TMC1: variants seen among roughly 807,000 people sequenced by gnomAD.
TMC1 encodes transmembrane channel like 1.
In TMC1, 84 loss-of-function variants were observed where a neutral mutation model predicts 105.8. The observed-to-expected ratio is 0.79, with a 90% CI of 0.67 to 0.95. The LOEUF is 0.95. TMC1 is among the 40% of genes least tolerant of loss of function. The probability of loss-of-function intolerance (pLI) is 0.00; values close to 1 mark genes in which losing one functional copy is unlikely to be tolerated. For missense variants in TMC1, 817 were observed against 914.1 expected (o/e 0.89, Z 1.37); for synonymous variants, 315 against 311.5 (o/e 1.01, Z -0.12).
intron 8 of TMC1, among the ~76,000 whole-genome samples, chr9:72,719,652 G>C (rs1826984847): frequency 6.6e-6 from 1 of 152,202 alleles, no homozygotes; most frequent in Admixed American, 6.5e-5. Context: ...AGTTCACAAT[G>C]CAAGTCTCCA....
intron 12 of TMC1, among the ~76,000 whole-genome samples, chr9:72,766,381 C>A (rs951116252): frequency 5.4e-5 from 8 of 149,262 alleles, no homozygotes; most frequent in Non-Finnish European, 1.0e-4. Context: ...TGCGCCACTG[C>A]ACTCCAGCCT....
At chr9:72,655,806 GTAAT>G (rs1825875302) in intron 5 of TMC1, 2 of 621,432 alleles carry the variant, frequency 3.2e-6, no homozygotes, top group Non-Finnish European at 2.9e-6. Context: ...TTTTCAACTG[GTAAT>G]TAATTTATTA....
At chr9:72,717,374 A>C (rs1253902519) in intron 8 of TMC1, among the ~76,000 whole-genome samples, 1 of 151,878 alleles carries the variant, frequency 6.6e-6, no homozygotes, top group South Asian at 2.1e-4. Flanking sequence ...TTATTTACTT[A>C]TTTATTGTAT....
intron 2 of TMC1, among the ~76,000 whole-genome samples, chr9:72,607,279 T>G (rs776984268): frequency 6.6e-6 from 1 of 152,168 alleles, no homozygotes; most frequent in Non-Finnish European, 1.5e-5. Flanking sequence ...CACAGATTGA[T>G]TTCTTCGTCA....
chr9:72,740,983 C>T lies in TMC1; in HGVS notation c.453+774C>T, dbSNP rs144026055. Among the ~76,000 whole-genome samples the T allele has an allele frequency of 9.5e-4, 144 of 152,176 alleles. 3 individuals carry two copies. The East Asian group carries it at 0.023, about 25-fold the overall frequency. ...ATGTTATGTTCACAAGATATATCCA[C>T]GTTGTTGTGGGAGTTATACTTCATT... On this transcript the variant is annotated intron_variant, in intron 9 of 23. Coordinates refer to ENST00000297784, the MANE Select transcript of TMC1 (RefSeq NM_138691.3).
rs537084123 is a variant in TMC1 at position 72,719,724 on chromosome 9, T to G, written c.362+19081T>G. On this transcript the variant is annotated intron_variant, in intron 8 of 23. Transcript: ENST00000297784. ...TAGTCCTGACTCCTATCTGCCATTT[T>G]TTCCTAGCAGTTCATTCTGGATTAT... Among the ~76,000 whole-genome samples the G allele has an allele frequency of 1.2e-4, 18 of 152,350 alleles. No homozygotes were observed. The Middle Eastern group carries it at 0.01, about 86-fold the overall frequency.
chr9:72,590,073 A>G (rs1824612364), intron 2 of TMC1, among the ~76,000 whole-genome samples: 2 of 152,182 alleles, frequency 1.3e-5, no homozygotes, highest in African/African-American at 4.8e-5. Flanking sequence ...GGCCTGCACC[A>G]TTCCATCTGC....
At position 72,700,759 on chromosome 9, in the gene TMC1, CAT is replaced by C. The variant is rs1554721639; in HGVS notation, c.362+118_362+119del. 454 of 161,138 alleles carry C rather than the reference CAT, an allele frequency of 2.8e-3. 3 individuals carry two copies. The African/African-American group carries it at 0.029, about 10-fold the overall frequency. 10.0% of individuals were successfully genotyped at this position (161,138 alleles called of 1,614,324 possible). A position where few individuals can be genotyped will look rare whatever the true frequency, so the allele number is the denominator to read the frequency against. ...ATATATATATACACACACACACACACATACACACACACACACACACATACACT... is the reference window on the plus strand; with the variant it reads ...ATATATATATACACACACACACACACACACACACACACACACACATACACT... On this transcript the variant is annotated intron_variant, in intron 8 of 23. Coordinates refer to ENST00000297784, the MANE Select transcript of TMC1 (RefSeq NM_138691.3).
intron 4 of TMC1, among the ~76,000 whole-genome samples, chr9:72,633,276 A>G (rs781663435): frequency 6.6e-6 from 1 of 152,184 alleles, no homozygotes; most frequent in African/African-American, 2.4e-5. Context: ...TTGTTAACCA[A>G]TTATTTACTT....
chr9:72,599,134 G>A (rs573645829), intron 2 of TMC1, among the ~76,000 whole-genome samples: 1 of 152,206 alleles, frequency 6.6e-6, no homozygotes, highest in East Asian at 1.9e-4. Flanking sequence ...GGGTTCAAGC[G>A]ATTCTCATGC....
intron 4 of TMC1, among the ~76,000 whole-genome samples, chr9:72,636,706 T>G (rs1236203265): frequency 2.8e-5 from 1 of 35,322 alleles, no homozygotes; most frequent in Non-Finnish European, 5.3e-5. Flanking sequence ...AGACTCCATC[T>G]CAAAAAAAAA....
At chr9:72,760,660 T>TA (rs1254133737) in intron 12 of TMC1, among the ~76,000 whole-genome samples, 1 of 151,974 alleles carries the variant, frequency 6.6e-6, no homozygotes, top group Admixed American at 6.5e-5. Context: ...ACAGACTATA[T>TA]AGAGGTAAGT....
intron 8 of TMC1, among the ~76,000 whole-genome samples, chr9:72,722,848 T>C (rs369362326): frequency 1.3e-5 from 2 of 152,184 alleles, no homozygotes; most frequent in African/African-American, 4.8e-5. Flanking sequence ...ACTTCCACTA[T>C]AGCCAATTTT....
chr9:72,553,047 C>T (rs1303054548), intron 1 of TMC1, among the ~76,000 whole-genome samples: 3 of 151,876 alleles, frequency 2.0e-5, no homozygotes, highest in African/African-American at 7.3e-5. Flanking sequence ...GATCTCGGGT[C>T]ACAGCAACCT....
intron 2 of TMC1, among the ~76,000 whole-genome samples, chr9:72,578,854 G>A (rs935583966): frequency 6.6e-6 from 1 of 152,138 alleles, no homozygotes; most frequent in Non-Finnish European, 1.5e-5. Context: ...AGGGTCTGGG[G>A]AAAGAAGAAT....
At chr9:72,751,787 A>T in intron 10 of TMC1, 63 bp from the exon 11 acceptor site, 1 of 1,065,822 alleles carries the variant, frequency 9.4e-7, no homozygotes, top group Non-Finnish European at 1.5e-6. Flanking sequence ...ACCAAGACAA[A>T]GCTCTTTTTG....
intron 5 of TMC1, among the ~76,000 whole-genome samples, chr9:72,653,346 G>A (rs1825840828): frequency 6.6e-6 from 1 of 152,152 alleles, no homozygotes; most frequent in Non-Finnish European, 1.5e-5. Flanking sequence ...AACCTGGTTT[G>A]TGCTTTCAGG....
At chr9:72,757,732 A>G (rs866588445) in intron 12 of TMC1, among the ~76,000 whole-genome samples, 5 of 152,230 alleles carry the variant, frequency 3.3e-5, no homozygotes, top group South Asian at 4.1e-4. Context: ...TTGTGGCATC[A>G]TATCGGTGCT....
At chr9:72,657,677 T>C (rs1825905424) in intron 5 of TMC1, among the ~76,000 whole-genome samples, 1 of 152,158 alleles carries the variant, frequency 6.6e-6, no homozygotes, top group African/African-American at 2.4e-5. Flanking sequence ...TATGTTATAA[T>C]CGGAAAAGAT....
Sources: allele counts gnomAD v4.1 joint callset (sites outside exome capture counted in the v4.1 genomes callset), GRCh38; gene constraint gnomAD v4.1.1; transcripts MANE v1.5; gene names NCBI Gene and HGNC (gene_info 2026-07-23, HGNC 2026-07-21).